The following PRKDC variants were observed in gnomAD, a reference collection of about 807,000 sequenced individuals.
PRKDC encodes DNA-dependent protein kinase catalytic subunit.
In PRKDC, 82 loss-of-function variants were observed where a neutral mutation model predicts 486.9. The ratio of observed to expected loss-of-function variants is 0.17; its 90% confidence interval spans 0.14 to 0.20. The LOEUF (loss-of-function observed/expected upper bound fraction) is 0.20. PRKDC is among the 10% of genes least tolerant of loss of function. The pLI is 1.00. For missense variants in PRKDC, 4,504 were observed against 5,038.2 expected (o/e 0.89, Z 3.21); for synonymous variants, 1,895 against 1,837.0 (o/e 1.03, Z -0.81).
chr8:47,917,037 C>T (rs897764080), intron 22 of PRKDC, among the ~76,000 whole-genome samples: 10 of 152,194 alleles, frequency 6.6e-5, no homozygotes, highest in Admixed American at 5.2e-4. Context: ...GGGCGGATTG[C>T]TTAACCCCAG....
chr8:47,774,478 C>T, intron 85 of PRKDC, 101 bp from the exon 86 acceptor site: 1 of 1,097,654 alleles, frequency 9.1e-7, no homozygotes, highest in African/African-American at 1.6e-5. Context: ...CACGTCATCA[C>T]TCACAGAGTA....
intron 40 of PRKDC, among the ~76,000 whole-genome samples, chr8:47,870,710 C>T (rs191034506): frequency 6.6e-6 from 1 of 152,268 alleles, no homozygotes; most frequent in Non-Finnish European, 1.5e-5. Context: ...GCCAAGAAAA[C>T]ATGACTTCAC....
At chr8:47,842,239 A>T (rs2088164804) in intron 54 of PRKDC, among the ~76,000 whole-genome samples, 1 of 152,046 alleles carries the variant, frequency 6.6e-6, no homozygotes, top group Non-Finnish European at 1.5e-5. Flanking sequence ...CTGGGAATGA[A>T]CTTGGTGAGG....
chr8:47,820,993 T>G (rs765456163), intron 65 of PRKDC, 50 bp from the exon 66 acceptor site: 11 of 1,151,146 alleles, frequency 9.6e-6, no homozygotes, highest in South Asian at 2.0e-5. Flanking sequence ...AATTTGAGTA[T>G]GTCTAATTAT....
chr8:47,830,185 T>G (rs1008712336), intron 61 of PRKDC, among the ~76,000 whole-genome samples: 3 of 152,198 alleles, frequency 2.0e-5, no homozygotes, highest in African/African-American at 7.2e-5. Context: ...CACTGGCATG[T>G]GTCTTTTACT....
At position 47,834,290 on chromosome 8, in the gene PRKDC, T is replaced by C; in HGVS notation, c.8058A>G (p.Glu2686=). The C allele has an allele frequency of 6.2e-7, 1 of 1,614,002 alleles. No individual in the cohort carries two copies. Among genetic ancestry groups the C allele is most frequent in the Non-Finnish European group, 8.5e-7 (1 of 1,179,876 alleles). The change falls in exon 59 of 86, where the codon GAA becomes GAG. Residue 2686 remains glutamate (E), a synonymous_variant. Transcript: ENST00000314191. The stretch of plus-strand genomic sequence containing the variant: ...ACTTCAAGGGTGCTCTCTGTAACCT[T>C]TCACTCCTCTTGTGGGCAAACAGCA... ...DSLLFAHKRS[E]RLQRAPLKSV...
In PRKDC at chr8:47,845,466, A is replaced by T. The variant is rs79994145; in HGVS notation, c.7280+3688T>A. ...TAAGAAATGACAAAGATAACATCAT[A>T]CCTGATCCCACAGCAATACAAAAGA... On this transcript the variant is annotated intron_variant, in intron 54 of 85. Transcript: ENST00000314191. Among the ~76,000 whole-genome samples the T allele has an allele frequency of 6.5e-3, 990 of 152,262 alleles. 2 individuals are homozygous for T. Among genetic ancestry groups the T allele is most frequent in the Non-Finnish European group, 0.011 (765 of 68,024 alleles).
intron 21 of PRKDC, 137 bp downstream of exon 21, chr8:47,927,057 T>A: frequency 1.2e-6 from 1 of 857,116 alleles, no homozygotes; most frequent in Middle Eastern, 3.6e-4. Context: ...TTAGGGAAAT[T>A]ACAAAAATAG....
At position 47,930,659 on chromosome 8, in the gene PRKDC, T is replaced by A. The variant is rs1438604889; in HGVS notation, c.1892+13A>T. 2 of 1,545,814 alleles carry A rather than the reference T, an allele frequency of 1.3e-6. No individual in the cohort carries two copies. Among genetic ancestry groups the A allele is most frequent in the African/African-American group, 2.8e-5 (2 of 72,574 alleles). ...CATTTTCATTCTTAAATAATTAGAA[T>A]TTTACCAAATACCTGCAAAATTCCA... On this transcript the variant is annotated intron_variant, in intron 17 of 85. Transcript: ENST00000314191.
intron 50 of PRKDC, 61 bp downstream of exon 50, chr8:47,855,154 CATCATTT>C: frequency 7.4e-7 from 1 of 1,346,414 alleles, no homozygotes; most frequent in Non-Finnish European, 1.0e-6. Context: ...TCACTGTAAT[CATCATTT>C]ACGACACACT....
intron 56 of PRKDC, among the ~76,000 whole-genome samples, chr8:47,838,103 T>A (rs907720987): frequency 2.6e-5 from 4 of 152,064 alleles, no homozygotes; most frequent in Non-Finnish European, 5.9e-5. Context: ...GCTACTGCAC[T>A]CCAGCCTGGG....
rs1158297835 is a variant in PRKDC at position 47,837,289 on chromosome 8, G to C, written c.7684C>G (p.Leu2562Val). 3 of 1,613,796 alleles carry C rather than the reference G, an allele frequency of 1.9e-6. No individual in the cohort carries two copies. Among genetic ancestry groups the C allele is most frequent in the African/African-American group, 1.3e-5 (1 of 74,944 alleles). Residue 2562 changes from leucine (L) to valine (V), a missense_variant, in exon 57 of 86, where the codon CTG becomes GTG. Leu to Val is a conservative substitution (Grantham distance 32). Around this residue, in one of 6 missense-constraint regions of PRKDC, gnomAD observed 1,592 missense variants for 1,724.6 expected, o/e 0.92. Coordinates refer to ENST00000314191, the MANE Select transcript of PRKDC (RefSeq NM_006904.7). The part of the protein sequence containing the change: ...VHFLSLATNF[L>V]LEMTSMSPDY... ...GGGCTCATGCTGGTCATTTCGAGCA[G>C]AAAATTTGTTGCTAAACTTAAAAAG...
Position 47,799,290 on chromosome 8 carries a change from G to A in PRKDC, c.10217C>T (p.Ala3406Val), listed in dbSNP as rs1324873081. ...CATGTAAGCATCAATCACCCCAGCT[G>A]CAGGCCCACAGCTCCAGGAGGGAGG... Reference protein sequence around the residue: ...AQPPSWSCGPAAGVIDAYMTL... With the variant: ...AQPPSWSCGPVAGVIDAYMTL... The change falls in exon 72 of 86, where the codon GCA becomes GTA. Residue 3406 changes from alanine (A) to valine (V), a missense_variant. Around this residue, in one of 6 missense-constraint regions of PRKDC, gnomAD observed 706 missense variants for 945.0 expected, o/e 0.75. Coordinates refer to ENST00000314191, the MANE Select transcript of PRKDC (RefSeq NM_006904.7). The A allele has an allele frequency of 1.2e-6, 2 of 1,613,586 alleles. No homozygotes were observed. Among genetic ancestry groups the A allele is most frequent in the African/African-American group, 2.7e-5 (2 of 74,922 alleles).
chr8:47,909,498 T>C (rs1246894986), intron 25 of PRKDC, among the ~76,000 whole-genome samples: 4 of 152,124 alleles, frequency 2.6e-5, no homozygotes, highest in Admixed American at 6.6e-5. Context: ...GCTTGAACAA[T>C]ATGAAATCAG....
intron 64 of PRKDC, among the ~76,000 whole-genome samples, chr8:47,822,190 G>T (rs889460385): frequency 2.0e-5 from 3 of 152,080 alleles, no homozygotes; most frequent in African/African-American, 7.2e-5. Context: ...CTACTTGGGA[G>T]GCTGAGGTGA....
chr8:47,888,138 A>G (rs1029705595), intron 34 of PRKDC, among the ~76,000 whole-genome samples: 1 of 152,100 alleles, frequency 6.6e-6, no homozygotes, highest in Non-Finnish European at 1.5e-5. Context: ...TGAGCCTCCC[A>G]AAGTGCTGGG....
chr8:47,819,173 G>C (rs2087525345), intron 67 of PRKDC, among the ~76,000 whole-genome samples: 1 of 152,226 alleles, frequency 6.6e-6, no homozygotes, highest in Non-Finnish European at 1.5e-5. Flanking sequence ...CTTCATTAAG[G>C]TAAGCAACAT....
chr8:47,877,856 A>T lies in PRKDC; in HGVS notation c.5236-5T>A. ...TAATTCCAATGCATCTAGAAACTAG[A>T]AAAAATACATCAACATCATTAAAAT... is the stretch of plus-strand genomic sequence containing the variant. On this transcript the variant is annotated splice_region_variant and splice_polypyrimidine_tract_variant and intron_variant, in intron 39 of 85. Coordinates refer to ENST00000314191, the MANE Select transcript of PRKDC (RefSeq NM_006904.7). The T allele has an allele frequency of 6.8e-7, 1 of 1,467,326 alleles. No homozygotes were observed. Among genetic ancestry groups the T allele is most frequent in the Non-Finnish European group, 9.1e-7 (1 of 1,102,524 alleles). 90.9% of individuals were successfully genotyped at this position (1,467,326 alleles called of 1,614,324 possible).
At position 47,855,227 on chromosome 8, in the gene PRKDC, A is replaced by C. The variant is rs763960973; in HGVS notation, c.6756T>G (p.Pro2252=). 6.2e-7 allele frequency: 1 copy of C among 1,600,380 alleles called. No homozygotes were observed. Among genetic ancestry groups the C allele is most frequent in the Non-Finnish European group, 8.5e-7 (1 of 1,173,140 alleles). Residue 2252 remains proline (P), a synonymous_variant, in exon 50 of 86, where the codon CCT becomes CCG. Transcript: ENST00000314191. ...VECWKDCLSI[P]YRLIFEKFSG... ...GCAAAAACCAGTAAACATACCTATA[A>C]GGGATGGATAAACAATCCTTCCAGC...
Sources: allele counts gnomAD v4.1 joint callset (sites outside exome capture counted in the v4.1 genomes callset), GRCh38; gene constraint gnomAD v4.1.1; regional missense constraint gnomAD v4.1.1; transcripts MANE v1.5; gene names NCBI Gene and HGNC (gene_info 2026-07-23, HGNC 2026-07-21).